FBXL7: variants seen among roughly 807,000 people sequenced by gnomAD.
FBXL7 encodes the protein F-box/LRR-repeat protein 7.
A neutral mutation model predicts 38.3 loss-of-function variants in FBXL7; 12 were observed. The ratio of observed to expected loss-of-function variants is 0.31; its 90% CI spans 0.20 to 0.51. The LOEUF (loss-of-function observed/expected upper bound fraction) is 0.51, where lower values mean the gene tolerates loss of function less well. Ranked by LOEUF, FBXL7 falls within the 20% of genes least tolerant of loss-of-function variation. FBXL7 has a pLI of 0.98. For synonymous variants in FBXL7, 297 were observed against 300.9 expected (o/e 0.99, Z 0.13); for missense variants, 567 against 676.4 (o/e 0.84, Z 1.79).
At chr5:15,658,078 G>T (rs772476816) in intron 2 of FBXL7, among the ~76,000 whole-genome samples, 1 of 152,048 alleles carries the variant, frequency 6.6e-6, no homozygotes, top group African/African-American at 2.4e-5. Context: ...TAATTTTGTT[G>T]AGGGTGGCAG....
intron 1 of FBXL7, among the ~76,000 whole-genome samples, chr5:15,593,384 T>C (rs776154385): frequency 6.6e-6 from 1 of 151,932 alleles, no homozygotes; most frequent in African/African-American, 2.4e-5. Flanking sequence ...ATTAGCCAGG[T>C]GTGGTGGTGG....
intron 2 of FBXL7, among the ~76,000 whole-genome samples, chr5:15,787,596 A>T (rs778114881): frequency 2.6e-4 from 40 of 152,248 alleles, no homozygotes; most frequent in Non-Finnish European, 4.1e-4. Flanking sequence ...GCCTGAATTC[A>T]GTCAAATAGA....
At chr5:15,785,487 T>C (rs1579460514) in intron 2 of FBXL7, among the ~76,000 whole-genome samples, 2 of 152,178 alleles carry the variant, frequency 1.3e-5, no homozygotes, top group African/African-American at 4.8e-5. Context: ...TTGAAGTGTT[T>C]TATACACGGA....
chr5:15,522,960 G>A (rs893447244), intron 1 of FBXL7, among the ~76,000 whole-genome samples: 2 of 152,128 alleles, frequency 1.3e-5, no homozygotes, highest in African/African-American at 4.8e-5. Context: ...TGTCCCATAC[G>A]GTGGCAACTA....
chr5:15,794,524 C>T (rs1737364007), intron 2 of FBXL7, among the ~76,000 whole-genome samples: 1 of 152,164 alleles, frequency 6.6e-6, no homozygotes, highest in African/African-American at 2.4e-5. Flanking sequence ...TAGTATCTCC[C>T]TTGACTTAAG....
At chr5:15,926,471 G>A (rs967047198) in intron 2 of FBXL7, among the ~76,000 whole-genome samples, 3 of 148,474 alleles carry the variant, frequency 2.0e-5, no homozygotes, top group Non-Finnish European at 4.5e-5. Flanking sequence ...CATGTATATG[G>A]TTATATATAA....
Position 15,928,619 on chromosome 5 carries a change from T to C in FBXL7, c.739+118T>C. On this transcript the variant is annotated intron_variant, in intron 3 of 3. Transcript: ENST00000504595. The surrounding 1 kb of genome is among the most constrained non-coding windows in gnomAD (Gnocchi z 4.0). Reference sequence around the variant, plus strand: ...GCAAGCCATCAGAGATGGGGGCGGGTGGTAGGGAGGCTGGCTTTTGCAGAG... The same window carrying C: ...GCAAGCCATCAGAGATGGGGGCGGGCGGTAGGGAGGCTGGCTTTTGCAGAG... 7 of 1,345,324 alleles carry C rather than the reference T, an allele frequency of 5.2e-6. No homozygotes were observed. The South Asian group carries it at 9.9e-5, about 19-fold the overall frequency. 83.3% of individuals were successfully genotyped at this position (1,345,324 alleles called of 1,614,324 possible).
intron 2 of FBXL7, among the ~76,000 whole-genome samples, chr5:15,673,736 C>T (rs759925500): frequency 1.2e-4 from 18 of 152,060 alleles, no homozygotes; most frequent in Non-Finnish European, 2.5e-4. Context: ...CAAGCCTGAT[C>T]ATCTACTTTA....
chr5:15,754,560 C>T (rs1429752379), intron 2 of FBXL7, among the ~76,000 whole-genome samples: 2 of 152,184 alleles, frequency 1.3e-5, no homozygotes, highest in Non-Finnish European at 2.9e-5. Flanking sequence ...TGATTGATTT[C>T]ACAAGTTAGA....
At chr5:15,672,154 A>G (rs1742499182) in intron 2 of FBXL7, among the ~76,000 whole-genome samples, 1 of 152,154 alleles carries the variant, frequency 6.6e-6, no homozygotes, top group Non-Finnish European at 1.5e-5. Context: ...GGAAAGAAAA[A>G]GCCATGGCAC....
chr5:15,852,480 T>G (rs1157194020), intron 2 of FBXL7, among the ~76,000 whole-genome samples: 1 of 152,202 alleles, frequency 6.6e-6, no homozygotes, highest in Non-Finnish European at 1.5e-5. Flanking sequence ...TGATAAGGTT[T>G]GGAAAATAGC....
intron 2 of FBXL7, among the ~76,000 whole-genome samples, chr5:15,728,750 T>A (rs1358587849): frequency 1.3e-5 from 2 of 152,196 alleles, no homozygotes; most frequent in Non-Finnish European, 2.9e-5. Context: ...AGACATCTCA[T>A]GTCATCCTCA....
chr5:15,814,947 AC>A (rs1451816712), intron 2 of FBXL7, among the ~76,000 whole-genome samples: 1 of 151,534 alleles, frequency 6.6e-6, no homozygotes, highest in African/African-American at 2.4e-5. Flanking sequence ...CTGCTGATTG[AC>A]CTCTCCCTGA....
At chr5:15,552,060 A>G in intron 1 of FBXL7, among the ~76,000 whole-genome samples, 1 of 152,260 alleles carries the variant, frequency 6.6e-6, no homozygotes, top group East Asian at 1.9e-4. Context: ...GCACTCTGAC[A>G]TACAGATTGT....
chr5:15,702,431 A>T (rs1317310749), intron 2 of FBXL7, among the ~76,000 whole-genome samples: 3 of 152,156 alleles, frequency 2.0e-5, no homozygotes, highest in African/African-American at 7.2e-5. Context: ...AACATAATGG[A>T]GCCAGTATTG....
At chr5:15,729,153 C>T (rs1735505157) in intron 2 of FBXL7, among the ~76,000 whole-genome samples, 1 of 152,130 alleles carries the variant, frequency 6.6e-6, no homozygotes, top group South Asian at 2.1e-4. Flanking sequence ...TGTTTCCCCA[C>T]TAGACATAAC....
At chr5:15,893,019 G>T (rs1740973818) in intron 2 of FBXL7, among the ~76,000 whole-genome samples, 1 of 151,642 alleles carries the variant, frequency 6.6e-6, no homozygotes, top group Non-Finnish European at 1.5e-5. Flanking sequence ...GGGAGGCTGA[G>T]ACAGGAGAAT....
In FBXL7 at chr5:15,615,999, C is replaced by T. The variant is rs1740436644; in HGVS notation, c.54C>T (p.Ser18=). The change falls in exon 2 of 4, where the codon AGC becomes AGT. Residue 18 remains serine (S), a synonymous_variant. Transcript: ENST00000504595. The part of the protein sequence containing the change: ...QYGSEGKGSS[S]ISSDVSSSTD... The stretch of plus-strand genomic sequence containing the variant: ...TTCTTCCAGGCAAAGGCAGCTCGAG[C>T]ATCTCATCTGACGTGAGTTCAAGTA... 2 of 1,612,314 alleles carry T rather than the reference C, an allele frequency of 1.2e-6. No homozygotes were observed. Among genetic ancestry groups the T allele is most frequent in the Admixed American group, 1.7e-5 (1 of 59,824 alleles).
chr5:15,571,625 A>T (rs1738784787), intron 1 of FBXL7, among the ~76,000 whole-genome samples: 1 of 152,146 alleles, frequency 6.6e-6, no homozygotes. Context: ...ATGAGTTGGT[A>T]GCCTGGCATT....
Sources: allele counts gnomAD v4.1 joint callset (sites outside exome capture counted in the v4.1 genomes callset), GRCh38; gene constraint gnomAD v4.1.1; non-coding constraint Gnocchi (gnomAD v3.1); transcripts MANE v1.5; gene names NCBI Gene and HGNC (gene_info 2026-07-23, HGNC 2026-07-21).